ZNF638: variants seen among roughly 807,000 people sequenced by gnomAD.
ZNF638 encodes the protein zinc finger protein 638, also known as CTCL tumor antigen se33-1.
Under a neutral mutation model 195.6 loss-of-function variants are expected in ZNF638, and 46 were observed. That is an observed-to-expected ratio of 0.24 (90% CI 0.19 to 0.30). The LOEUF (loss-of-function observed/expected upper bound fraction) is 0.30, where lower values mean the gene tolerates loss of function less well. Ranked by LOEUF, ZNF638 falls within the 10% of genes least tolerant of loss-of-function variation. ZNF638 has a pLI of 1.00. For missense variants in ZNF638, 2,440 were observed against 2,325.3 expected (o/e 1.05, Z -1.01); for synonymous variants, 845 against 772.0 (o/e 1.09, Z -1.57).
rs768762776 is a variant in ZNF638 at position 71,349,902 on chromosome 2, C to T, written c.948C>T (p.Asn316=). ...EPIKSVNQSI[N]QTVSQTMSQS... ...TAAAATCCGTCAACCAATCCATTAA[C>T]CAAACAGTTAGCCAGACAATGAGTC... The change falls in exon 2 of 28, where the codon AAC becomes AAT. Residue 316 remains asparagine, a synonymous_variant. Transcript: ENST00000264447. The T allele has an allele frequency of 1.9e-6, 3 of 1,614,174 alleles. No homozygotes were observed. The East Asian group carries it at 6.7e-5, about 36-fold the overall frequency.
chr2:71,336,326 GCGCCCTTGCACTCCAA>G (rs1230381001), intron 1 of ZNF638, among the ~76,000 whole-genome samples: 1 of 138,292 alleles, frequency 7.2e-6, no homozygotes, highest in Non-Finnish European at 1.5e-5. Flanking sequence ...GCCGAGATTT[GCGCCCTTGCACTCCAA>G]CCAGGGCAAC....
At chr2:71,350,978 A>G (rs1573032111) in intron 2 of ZNF638, among the ~76,000 whole-genome samples, 1 of 152,224 alleles carries the variant, frequency 6.6e-6, no homozygotes, top group African/African-American at 2.4e-5. Flanking sequence ...AGTGAAGTGT[A>G]CTATAATGTA....
chr2:71,400,299 C>T (rs2079980833), intron 14 of ZNF638, 119 bp downstream of exon 14: 3 of 1,057,556 alleles, frequency 2.8e-6, no homozygotes, highest in Admixed American at 3.0e-5. Flanking sequence ...ATTTTGATCT[C>T]AGAATGAAAT....
rs1193926720 is a variant in ZNF638, at chr2:71,426,948, T to C, written c.5079T>C (p.Pro1693=). 1.2e-6 allele frequency: 2 copies of C among 1,613,696 alleles called. No individual in the cohort carries two copies. Among genetic ancestry groups the C allele is most frequent in the Non-Finnish European group, 8.5e-7 (1 of 1,179,862 alleles). ...AAATTGGAGAAGTGGAAGAGCTACC[T>C]TTGAATGAGTCAGCAGACATAACTT... The part of the protein sequence containing the change: ...VDEIGEVEEL[P]LNESADITFA... Residue 1693 remains proline (P), a synonymous_variant, in exon 24 of 28, where the codon CCT becomes CCC. Coordinates refer to ENST00000264447, the MANE Select transcript of ZNF638 (RefSeq NM_014497.5).
intron 24 of ZNF638, among the ~76,000 whole-genome samples, chr2:71,428,055 G>A (rs1400753765): frequency 6.6e-6 from 1 of 152,026 alleles, no homozygotes; most frequent in African/African-American, 2.4e-5. Context: ...AGCCAGGCAC[G>A]GTGGCATGCG....
At chr2:71,364,877 T>C (rs2079168540) in intron 5 of ZNF638, among the ~76,000 whole-genome samples, 1 of 152,206 alleles carries the variant, frequency 6.6e-6, no homozygotes, top group Non-Finnish European at 1.5e-5. Flanking sequence ...TGAGATCTCT[T>C]TTCTAATTAC....
chr2:71,394,419 C>T (rs1284707388), intron 10 of ZNF638, among the ~76,000 whole-genome samples: 1 of 152,116 alleles, frequency 6.6e-6, no homozygotes, highest in East Asian at 1.9e-4. Flanking sequence ...AGATCAGTGC[C>T]TGATTTGCAC....
chr2:71,420,253 A>G (rs1317997160), intron 21 of ZNF638, among the ~76,000 whole-genome samples: 2 of 152,012 alleles, frequency 1.3e-5, no homozygotes, highest in Non-Finnish European at 2.9e-5. Flanking sequence ...CCAATTCATT[A>G]TGAATATGAT....
intron 1 of ZNF638, among the ~76,000 whole-genome samples, chr2:71,339,689 TTTC>T: frequency 6.6e-6 from 1 of 152,316 alleles, no homozygotes; most frequent in East Asian, 1.9e-4. Context: ...TATGGTGCAG[TTTC>T]TCAGTAAAGC....
rs868849051 is a variant in ZNF638 at position 71,393,318 on chromosome 2, A to G, written c.2378-2823A>G. The G allele has an allele frequency of 9.0e-6, 6 of 665,262 alleles. No homozygotes were observed. In the Middle Eastern group the frequency reaches 9.8e-4, roughly 109 times the overall value. 41.2% of individuals were successfully genotyped at this position (665,262 alleles called of 1,614,324 possible). A position where few individuals can be genotyped will look rare whatever the true frequency, so the allele number is the denominator to read the frequency against. On this transcript the variant is annotated intron_variant, in intron 10 of 27. Coordinates refer to ENST00000264447, the MANE Select transcript of ZNF638 (RefSeq NM_014497.5). ...CCCGCAGTTTTATGGAAAGATGTAA[A>G]TAGTAACGTATGGTGTAGTCCAAAT... is the stretch of plus-strand genomic sequence containing the variant.
chr2:71,419,127 G>T (rs2080367603), intron 21 of ZNF638, among the ~76,000 whole-genome samples: 1 of 152,092 alleles, frequency 6.6e-6, no homozygotes, highest in Non-Finnish European at 1.5e-5. Flanking sequence ...CATTATCAGA[G>T]GAATGAAAGC....
rs1268418780 is a variant in ZNF638 at position 71,395,296 on chromosome 2, T to G, written c.2378-845T>G. 3 of 717,282 alleles carry G rather than the reference T, an allele frequency of 4.2e-6. No homozygotes were observed. The South Asian group carries it at 4.4e-5, about 11-fold the overall frequency. 44.4% of individuals were successfully genotyped at this position (717,282 alleles called of 1,614,324 possible). On this transcript the variant is annotated intron_variant, in intron 10 of 27. Transcript: ENST00000264447. ...TAATCGCTACGCCTGACAAACCTGC[T>G]GCTGTGCACATCTGTACTCTTCAAT...
chr2:71,344,877 G>A (rs965065389), intron 1 of ZNF638, among the ~76,000 whole-genome samples: 4 of 152,172 alleles, frequency 2.6e-5, no homozygotes, highest in Non-Finnish European at 5.9e-5. Context: ...ATTTTATTTG[G>A]AGTGGATATG....
intron 10 of ZNF638, among the ~76,000 whole-genome samples, chr2:71,384,659 A>C (rs1229821743): frequency 6.6e-6 from 1 of 151,902 alleles, no homozygotes; most frequent in Non-Finnish European, 1.5e-5. Flanking sequence ...TGTAAGGCTC[A>C]TCTCTGATGA....
rs76825385 is a variant in ZNF638, at chr2:71,387,655, ACT to A, written c.2377+7096_2377+7097del. On this transcript the variant is annotated intron_variant, in intron 10 of 27. Transcript: ENST00000264447. ...CACTCAGCCTGGGCAACAGAGCAAG[ACT>A]CTCTCAAAAAAAAAAAAGTAAAAGT... Among the ~76,000 whole-genome samples the A allele has an allele frequency of 6.7e-3, 290 of 43,234 alleles. 2 individuals are homozygous for A. The highest frequency in any genetic ancestry group is 0.013 in the Middle Eastern group (1 of 80). The allele number at this position is 43,234 out of a possible 152,430, so 28.4% of individuals were successfully genotyped here.
chr2:71,391,250 A>G (rs973152297), intron 10 of ZNF638, among the ~76,000 whole-genome samples: 7 of 152,162 alleles, frequency 4.6e-5, no homozygotes, highest in Non-Finnish European at 8.8e-5. Context: ...GCAATTCTTC[A>G]AGATAGGCCT....
intron 10 of ZNF638, among the ~76,000 whole-genome samples, chr2:71,390,266 G>T (rs1228873447): frequency 6.6e-6 from 1 of 152,150 alleles, no homozygotes; most frequent in Non-Finnish European, 1.5e-5. Context: ...TCGGTCAATT[G>T]GAAAGCCCAC....
intron 3 of ZNF638, among the ~76,000 whole-genome samples, chr2:71,357,647 A>C (rs1016709302): frequency 1.3e-5 from 2 of 152,130 alleles, no homozygotes. Flanking sequence ...ATATCTATTA[A>C]AGCCTTTAGT....
intron 8 of ZNF638, 24 bp from the exon 9 acceptor site, chr2:71,380,198 G>C: frequency 6.9e-7 from 1 of 1,452,540 alleles, no homozygotes; most frequent in South Asian, 1.4e-5. Context: ...AATTTCTTTT[G>C]TTCAAAATAT....
Sources: gnomAD v4.1 joint callset for allele counts (sites outside exome capture counted in the v4.1 genomes callset) on GRCh38, gnomAD v4.1.1 for gene constraint, MANE v1.5 for transcripts, NCBI Gene and HGNC (gene_info 2026-07-23, HGNC 2026-07-21) for gene names.